Variants in ACO1 observed in about 807,000 individuals in gnomAD.
The protein encoded by ACO1 is cytoplasmic aconitate hydratase.
Under a neutral mutation model 105.1 loss-of-function variants are expected in ACO1, and 78 were observed. The ratio of observed to expected loss-of-function variants is 0.74; its 90% CI spans 0.62 to 0.90. The LOEUF (loss-of-function observed/expected upper bound fraction) is 0.90. ACO1 is among the 40% of genes least tolerant of loss of function. ACO1 has a pLI of 0.00. For synonymous variants in ACO1, 364 were observed against 397.4 expected, an observed-to-expected ratio of 0.92 and a Z score of 1.00; for missense variants, 965 against 1,111.1, an observed-to-expected ratio of 0.87 and a Z score of 1.87.
In ACO1 at chr9:32,440,602, G is replaced by C. The variant is rs1037909122; in HGVS notation, c.2370+15G>C. On this transcript the variant is annotated intron_variant, in intron 19 of 20. Coordinates refer to ENST00000309951, the MANE Select transcript of ACO1 (RefSeq NM_002197.3). ...CTTTCCTGCTGGTGAGTATGAAGTA[G>C]ACATCCTAGGAGGCAGCTCCCCTCT... The C allele has an allele frequency of 2.5e-6, 4 of 1,612,246 alleles. No individual in the cohort carries two copies. In the African/African-American group the frequency reaches 5.3e-5, roughly 22 times the overall value.
chr9:32,415,124 T>C (rs1424050887), intron 4 of ACO1, among the ~76,000 whole-genome samples: 1 of 152,122 alleles, frequency 6.6e-6, no homozygotes, highest in African/African-American at 2.4e-5. Flanking sequence ...GCATGCTGGC[T>C]ACAGTGTAGC....
At chr9:32,418,062 C>A in intron 4 of ACO1, 66 bp from the exon 5 acceptor site, 1 of 1,441,062 alleles carries the variant, frequency 6.9e-7, no homozygotes, top group Non-Finnish European at 9.7e-7. Context: ...TTCTTCATCA[C>A]CAATAAATTT....
chr9:32,416,168 C>T (rs1322861066), intron 4 of ACO1, among the ~76,000 whole-genome samples: 2 of 149,530 alleles, frequency 1.3e-5, no homozygotes, highest in Non-Finnish European at 1.5e-5. Flanking sequence ...GATCTTGGCT[C>T]ACTGCAACCT....
chr9:32,430,788 CA>C (rs1822218055), intron 14 of ACO1, among the ~76,000 whole-genome samples: 2 of 152,122 alleles, frequency 1.3e-5, no homozygotes, highest in Admixed American at 1.3e-4. Flanking sequence ...GAAAGGAAAA[CA>C]GGTGCCAAAA....
chr9:32,392,565 C>T (rs528564908), intron 1 of ACO1, among the ~76,000 whole-genome samples: 156 of 152,324 alleles, frequency 1.0e-3, no homozygotes, highest in Non-Finnish European at 1.9e-3. Context: ...CCCATATATG[C>T]CCCTGCCCGC....
At chr9:32,434,310 G>A (rs569834939) in intron 16 of ACO1, among the ~76,000 whole-genome samples, 9 of 152,156 alleles carry the variant, frequency 5.9e-5, no homozygotes, top group East Asian at 1.9e-4. Flanking sequence ...TTGCAGCTGC[G>A]TTACTGTTGC....
At chr9:32,425,538 T>G (rs1420208959) in intron 10 of ACO1, among the ~76,000 whole-genome samples, 1 of 152,230 alleles carries the variant, frequency 6.6e-6, no homozygotes, top group African/African-American at 2.4e-5. Context: ...TTTTAGCATT[T>G]ACATTTTTGA....
At chr9:32,415,648 G>C (rs1174300877) in intron 4 of ACO1, among the ~76,000 whole-genome samples, 1 of 152,184 alleles carries the variant, frequency 6.6e-6, no homozygotes, top group Non-Finnish European at 1.5e-5. Flanking sequence ...GTCTCGTCCA[G>C]AGGGTCCACA....
intron 1 of ACO1, among the ~76,000 whole-genome samples, chr9:32,405,095 C>T (rs1821579279): frequency 9.1e-6 from 1 of 109,922 alleles, no homozygotes; most frequent in African/African-American, 3.5e-5. Flanking sequence ...GCAGCTGCTG[C>T]ATACAGCATG....
chr9:32,384,718 C>A lies in ACO1; in HGVS notation c.-40C>A. Reference sequence around the variant, plus strand: ...GGTCAGGTTCGCCGGTCGCGGGAGCCCCGCCGTGCAGTCGGAGGTGAGTAC... The same window carrying A: ...GGTCAGGTTCGCCGGTCGCGGGAGCACCGCCGTGCAGTCGGAGGTGAGTAC... On this transcript the variant is annotated 5_prime_UTR_variant, in exon 1 of 21. Coordinates refer to ENST00000309951, the MANE Select transcript of ACO1 (RefSeq NM_002197.3). 1 of 412,002 alleles carries A rather than the reference C, an allele frequency of 2.4e-6. No homozygotes were observed. The highest frequency in any genetic ancestry group is 4.8e-6 in the Non-Finnish European group (1 of 207,086). 25.5% of individuals were successfully genotyped at this position (412,002 alleles called of 1,614,324 possible).
At position 32,450,178 on chromosome 9, in the gene ACO1, A is replaced by G. The variant is rs1194539018; in HGVS notation, c.*67A>G. On this transcript the variant is annotated 3_prime_UTR_variant, in exon 21 of 21. Coordinates refer to ENST00000309951, the MANE Select transcript of ACO1 (RefSeq NM_002197.3). ...CACCAGCCAGCGCAGGCCCTGGTGG[A>G]GAGGCCTCCCTGGCTGCCTCTGGGA... The G allele has an allele frequency of 3.0e-6, 4 of 1,324,694 alleles. No homozygotes were observed. The highest frequency in any genetic ancestry group is 4.4e-6 in the Non-Finnish European group (4 of 918,768). 82.1% of individuals were successfully genotyped at this position (1,324,694 alleles called of 1,614,324 possible).
intron 19 of ACO1, among the ~76,000 whole-genome samples, chr9:32,443,418 C>T (rs1477457337): frequency 6.6e-6 from 1 of 152,088 alleles, no homozygotes; most frequent in Admixed American, 6.5e-5. Context: ...TATAAAAGTC[C>T]ACAAAACCAA....
intron 1 of ACO1, among the ~76,000 whole-genome samples, chr9:32,400,966 T>C (rs1250644897): frequency 1.3e-5 from 2 of 151,060 alleles, no homozygotes; most frequent in Non-Finnish European, 2.9e-5. Context: ...TTTTTTCACT[T>C]AAATCAGATC....
At chr9:32,424,264 G>A (rs1438392756) in intron 9 of ACO1, among the ~76,000 whole-genome samples, 1 of 152,202 alleles carries the variant, frequency 6.6e-6, no homozygotes, top group Non-Finnish European at 1.5e-5. Flanking sequence ...GGATGGGCGA[G>A]TGGAGGACAC....
rs1231190726 is a variant in ACO1, at chr9:32,452,178, C to T, written c.*2067C>T. 6.6e-6 allele frequency: 1 copy of T among 152,258 alleles called. No homozygotes were observed. Among genetic ancestry groups the T allele is most frequent in the Non-Finnish European group, 1.5e-5 (1 of 68,072 alleles). The allele number at this position is 152,258 out of a possible 1,614,324, so 9.4% of individuals were successfully genotyped here. Reference sequence around the variant, plus strand: ...CACTAAGAATGGCTGAGAAAACAGACCTCCACCCTCTCAGCTCTCCATTAC... The same window carrying T: ...CACTAAGAATGGCTGAGAAAACAGATCTCCACCCTCTCAGCTCTCCATTAC... On this transcript the variant is annotated 3_prime_UTR_variant, in exon 21 of 21. Transcript: ENST00000309951.
At chr9:32,440,333 T>C (rs1249554941) in intron 18 of ACO1, 132 bp from the exon 19 acceptor site, 2 of 896,080 alleles carry the variant, frequency 2.2e-6, no homozygotes, top group Admixed American at 4.8e-5. Flanking sequence ...AATTGGGAAT[T>C]TGTAGACAAG....
chr9:32,401,190 G>A (rs948954837), intron 1 of ACO1, among the ~76,000 whole-genome samples: 4 of 151,464 alleles, frequency 2.6e-5, no homozygotes, highest in Non-Finnish European at 5.9e-5. Flanking sequence ...TTTTTCCAAA[G>A]TTTAGCTGTC....
intron 18 of ACO1, 143 bp downstream of exon 18, chr9:32,436,540 T>G (rs1822366129): frequency 1.1e-6 from 1 of 884,298 alleles, no homozygotes; most frequent in Non-Finnish European, 1.8e-6. Context: ...TTGCCAGGTG[T>G]CCATATGCAT....
intron 1 of ACO1, among the ~76,000 whole-genome samples, chr9:32,388,387 A>C (rs1303078151): frequency 6.6e-6 from 1 of 152,066 alleles, no homozygotes; most frequent in East Asian, 1.9e-4. Context: ...AAAAAAATTA[A>C]AGCCAGGTGT....
Sources: allele counts gnomAD v4.1 joint callset (sites outside exome capture counted in the v4.1 genomes callset), GRCh38; gene constraint gnomAD v4.1.1; transcripts MANE v1.5; gene names NCBI Gene and HGNC (gene_info 2026-07-23, HGNC 2026-07-21).